Variants in PDE9A observed in about 807,000 individuals in gnomAD.
PDE9A encodes phosphodiesterase 9A, also known as high affinity cGMP-specific 3',5'-cyclic phosphodiesterase 9A.
In PDE9A, 60 loss-of-function variants were observed where a neutral mutation model predicts 87.4. The observed-to-expected ratio is 0.69, with a 90% CI of 0.56 to 0.85. The LOEUF is 0.85. Ranked by LOEUF, PDE9A falls within the 40% of genes least tolerant of loss-of-function variation. The pLI is 0.00. For synonymous variants in PDE9A, 272 were observed against 279.4 expected (o/e 0.97, Z 0.27); for missense variants, 665 against 779.0 (o/e 0.85, Z 1.74).
At chr21:42,758,824 C>G (rs926310858) in intron 10 of PDE9A, 175 bp from the exon 11 acceptor site, 2 of 578,588 alleles carry the variant, frequency 3.5e-6, no homozygotes, top group African/African-American at 1.9e-5. Context: ...CTGAAGACCT[C>G]TCTTCCCATG....
chr21:42,673,260 C>T (rs1192819416), intron 1 of PDE9A, among the ~76,000 whole-genome samples: 2 of 152,190 alleles, frequency 1.3e-5, no homozygotes, highest in Non-Finnish European at 2.9e-5. Context: ...ACTCCTCTGC[C>T]TTTCTTGCAC....
chr21:42,761,985 A>T, intron 13 of PDE9A, 98 bp from the exon 14 acceptor site: 1 of 1,261,094 alleles, frequency 7.9e-7, no homozygotes, highest in Non-Finnish European at 1.1e-6. Flanking sequence ...CCTTCTCCTG[A>T]CTCTACTTGC....
intron 4 of PDE9A, among the ~76,000 whole-genome samples, chr21:42,724,083 C>T (rs1012712363): frequency 7.2e-5 from 11 of 152,180 alleles, no homozygotes; most frequent in African/African-American, 2.4e-4. Context: ...CGGTTTCAGG[C>T]TCTCTGAGGA....
intron 14 of PDE9A, among the ~76,000 whole-genome samples, chr21:42,765,150 G>T (rs1298212844): frequency 6.6e-6 from 1 of 151,972 alleles, no homozygotes; most frequent in Admixed American, 6.6e-5. Context: ...CAGATGGATG[G>T]GTGGATGGGT....
chr21:42,765,900 A>T (rs2056351886), intron 15 of PDE9A, among the ~76,000 whole-genome samples: 1 of 152,170 alleles, frequency 6.6e-6, no homozygotes, highest in Non-Finnish European at 1.5e-5. Flanking sequence ...ATCCCCCACC[A>T]GGCCCACACC....
intron 4 of PDE9A, among the ~76,000 whole-genome samples, chr21:42,706,008 A>G (rs1170111955): frequency 1.3e-5 from 2 of 152,236 alleles, no homozygotes; most frequent in Non-Finnish European, 2.9e-5. Context: ...AAGGAGGCGC[A>G]TCCGCAGAGT....
chr21:42,719,219 T>C (rs1178374549), intron 4 of PDE9A, among the ~76,000 whole-genome samples: 1 of 151,852 alleles, frequency 6.6e-6, no homozygotes, highest in Non-Finnish European at 1.5e-5. Flanking sequence ...GGAACTCTCC[T>C]TTCCATTTCC....
intron 1 of PDE9A, among the ~76,000 whole-genome samples, chr21:42,661,870 G>A (rs2057526941): frequency 6.6e-6 from 1 of 152,230 alleles, no homozygotes. Flanking sequence ...CGCAGCGGAA[G>A]GGTAGGGGGC....
At chr21:42,683,559 G>A (rs887396802) in intron 1 of PDE9A, among the ~76,000 whole-genome samples, 1 of 151,978 alleles carries the variant, frequency 6.6e-6, no homozygotes, top group Non-Finnish European at 1.5e-5. Context: ...AGGCCTCCGG[G>A]GCCGCCTGGG....
intron 4 of PDE9A, among the ~76,000 whole-genome samples, chr21:42,724,316 G>A (rs1013241867): frequency 6.6e-6 from 1 of 152,234 alleles, no homozygotes; most frequent in Non-Finnish European, 1.5e-5. Flanking sequence ...CAATAGCAGA[G>A]GCAGGCAGGG....
At chr21:42,699,037 A>G (rs2060298603) in intron 4 of PDE9A, 26 bp downstream of exon 4, 2 of 1,551,888 alleles carry the variant, frequency 1.3e-6, no homozygotes, top group Non-Finnish European at 1.8e-6. Flanking sequence ...CGTTTTTTAA[A>G]CTAAAAGAAG....
rs752418480 is a variant in PDE9A at position 42,772,512 on chromosome 21, AC to A, written c.1761del (p.Asn587LysfsTer45). ...KSRERSRDVK[N>X]SEGDCA ...AGAGAGAGAAGCAGAGATGTGAAAA[AC>A]AGTGAAGGTAATGCTTGCTCTGCTG... On this transcript the variant is annotated frameshift_variant, in exon 19 of 20. Coordinates refer to ENST00000291539, the MANE Select transcript of PDE9A (RefSeq NM_002606.3). LOFTEE classifies it high-confidence loss of function. The A allele has an allele frequency of 2.6e-5, 42 of 1,602,092 alleles. No individual in the cohort carries two copies. The highest frequency in any genetic ancestry group is 3.4e-5 in the Non-Finnish European group (40 of 1,173,108).
rs755831392 is a variant in PDE9A, at chr21:42,692,823, G to T, written c.218+4829G>T. On this transcript the variant is annotated intron_variant, in intron 3 of 19. Transcript: ENST00000291539. This position sits in a 1 kb window ranked among gnomAD's most constrained non-coding sequence, Gnocchi z 4.3. ...CTCCACTCGGTGCCTGGTGACATGC[G>T]GCCATCCTCAGAGATGTGCTTCGGG... 1.3e-5 allele frequency among the ~76,000 whole-genome samples: 2 copies of T among 152,048 alleles called. No homozygotes were observed. The highest frequency in any genetic ancestry group is 4.8e-5 in the African/African-American group (2 of 41,404).
intron 7 of PDE9A, among the ~76,000 whole-genome samples, chr21:42,736,934 G>A (rs971898657): frequency 3.3e-5 from 5 of 152,246 alleles, no homozygotes; most frequent in East Asian, 1.9e-4. Flanking sequence ...CCTGTGCTGA[G>A]CCCCAGAGAT....
chr21:42,726,624 A>ATATATATATTTTTTTTT, intron 4 of PDE9A, among the ~76,000 whole-genome samples: 4 of 19,776 alleles, frequency 2.0e-4, no homozygotes, highest in East Asian at 1.8e-3. Flanking sequence ...ATATATATAT[A>ATATATATATTTTTTTTT]TTTTTTTTTT....
intron 4 of PDE9A, among the ~76,000 whole-genome samples, chr21:42,728,772 G>A (rs2051405216): frequency 6.6e-6 from 1 of 152,130 alleles, no homozygotes; most frequent in African/African-American, 2.4e-5. Context: ...GGCCAAGGCA[G>A]GCAGATCACT....
chr21:42,691,679 G>GC, intron 3 of PDE9A, among the ~76,000 whole-genome samples: 1 of 149,104 alleles, frequency 6.7e-6, no homozygotes, highest in East Asian at 2.0e-4. Flanking sequence ...AAGTCACTCA[G>GC]CCCATCACCA....
At chr21:42,770,118 G>A (rs547822246) in intron 17 of PDE9A, among the ~76,000 whole-genome samples, 3 of 150,644 alleles carry the variant, frequency 2.0e-5, no homozygotes, top group South Asian at 4.2e-4. Flanking sequence ...CAGTCTCACC[G>A]CACCCAGCCA....
chr21:42,668,707 C>G (rs2058178513), intron 1 of PDE9A, among the ~76,000 whole-genome samples: 1 of 152,204 alleles, frequency 6.6e-6, no homozygotes, highest in African/African-American at 2.4e-5. Context: ...ACAAATGAGC[C>G]CTGTGCGGAG....
Sources: gnomAD v4.1 joint callset for allele counts (sites outside exome capture counted in the v4.1 genomes callset) on GRCh38, gnomAD v4.1.1 for gene constraint, Gnocchi (gnomAD v3.1) non-coding constraint, MANE v1.5 for transcripts, NCBI Gene and HGNC (gene_info 2026-07-23, HGNC 2026-07-21) for gene names.